Variants in DCC observed in about 807,000 individuals in gnomAD.
DCC encodes DCC netrin 1 receptor, also known as netrin receptor DCC.
Under a neutral mutation model 172.5 loss-of-function variants are expected in DCC, and 58 were observed. The observed-to-expected ratio is 0.34, with a 90% CI of 0.27 to 0.42. DCC has a LOEUF of 0.42. Ranked by LOEUF, DCC falls within the 10% of genes least tolerant of loss-of-function variation. The pLI, the probability that DCC is intolerant of heterozygous loss-of-function variation, is 1.00. For missense variants in DCC, 1,740 were observed against 1,791.0 expected, an observed-to-expected ratio of 0.97 and a Z score of 0.51; for synonymous variants, 709 against 644.5, an observed-to-expected ratio of 1.10 and a Z score of -1.52.
At chr18:53,376,851 T>C (rs919982944) in intron 15 of DCC, among the ~76,000 whole-genome samples, 1 of 152,228 alleles carries the variant, frequency 6.6e-6, no homozygotes, top group Non-Finnish European at 1.5e-5. Flanking sequence ...AGAGTCACTC[T>C]TGATTTTTCC....
At chr18:53,091,354 T>C (rs2043006085) in intron 7 of DCC, among the ~76,000 whole-genome samples, 1 of 147,816 alleles carries the variant, frequency 6.8e-6, no homozygotes, top group Non-Finnish European at 1.5e-5. Context: ...TATATGAAAA[T>C]ATATATACTA....
At chr18:53,458,381 C>T (rs904768618) in intron 23 of DCC, among the ~76,000 whole-genome samples, 1 of 152,096 alleles carries the variant, frequency 6.6e-6, no homozygotes, top group Non-Finnish European at 1.5e-5. Context: ...GGCCATGTTC[C>T]AATAAAACTT....
chr18:52,614,322 A>G (rs974078808), intron 1 of DCC, among the ~76,000 whole-genome samples: 2 of 152,192 alleles, frequency 1.3e-5, no homozygotes, highest in African/African-American at 4.8e-5. Flanking sequence ...AACTCTGGCT[A>G]CTTCTTCCAA....
intron 7 of DCC, among the ~76,000 whole-genome samples, chr18:53,069,217 G>C (rs2042618831): frequency 6.6e-6 from 1 of 152,146 alleles, no homozygotes; most frequent in African/African-American, 2.4e-5. Flanking sequence ...CAGAAGAGGG[G>C]TTAATCAGAA....
intron 4 of DCC, among the ~76,000 whole-genome samples, chr18:52,924,677 AT>A (rs1568189998): frequency 6.6e-6 from 1 of 152,180 alleles, no homozygotes; most frequent in East Asian, 1.9e-4. Flanking sequence ...TCATAAATTA[AT>A]CTTTAAATTT....
At chr18:52,432,158 C>G (rs1175703824) in intron 1 of DCC, among the ~76,000 whole-genome samples, 1 of 152,072 alleles carries the variant, frequency 6.6e-6, no homozygotes, top group Non-Finnish European at 1.5e-5. Flanking sequence ...ATCACTAGCT[C>G]CCTGGGTTTC....
intron 5 of DCC, among the ~76,000 whole-genome samples, chr18:52,940,300 C>T (rs2040441079): frequency 6.6e-6 from 1 of 152,058 alleles, no homozygotes; most frequent in Non-Finnish European, 1.5e-5. Flanking sequence ...TAAGGAAGAA[C>T]AGTCGAGGCA....
intron 7 of DCC, among the ~76,000 whole-genome samples, chr18:53,103,696 A>G (rs571884465): frequency 6.6e-6 from 1 of 152,230 alleles, no homozygotes; most frequent in East Asian, 1.9e-4. Context: ...TTTTAGGATT[A>G]TTGTTCCTCT....
intron 5 of DCC, among the ~76,000 whole-genome samples, chr18:52,948,465 G>A (rs757890821): frequency 6.6e-5 from 10 of 151,970 alleles, no homozygotes; most frequent in Non-Finnish European, 1.2e-4. Context: ...GCTATATACC[G>A]GATACTGTGC....
intron 6 of DCC, 91 bp from the exon 7 acceptor site, chr18:53,065,954 GT>G: frequency 9.4e-6 from 14 of 1,493,036 alleles, no homozygotes; most frequent in Non-Finnish European, 1.3e-5. Context: ...CTTCTGTGCT[GT>G]TTTATCAAAC....
At chr18:53,162,172 A>G (rs1256462632) in intron 8 of DCC, among the ~76,000 whole-genome samples, 1 of 151,738 alleles carries the variant, frequency 6.6e-6, no homozygotes, top group African/African-American at 2.4e-5. Flanking sequence ...GGTGGCACGC[A>G]CCTGTAATCC....
intron 2 of DCC, among the ~76,000 whole-genome samples, chr18:52,759,963 G>A (rs1433081714): frequency 1.3e-5 from 2 of 152,176 alleles, no homozygotes; most frequent in Non-Finnish European, 2.9e-5. Flanking sequence ...AGAGAGCATA[G>A]ACAAATGGAA....
At chr18:53,022,710 A>G (rs1216171787) in intron 5 of DCC, among the ~76,000 whole-genome samples, 1 of 152,084 alleles carries the variant, frequency 6.6e-6, no homozygotes, top group Non-Finnish European at 1.5e-5. Flanking sequence ...TGGTAGAACT[A>G]CTAACCCTAT....
intron 1 of DCC, among the ~76,000 whole-genome samples, chr18:52,347,110 T>C (rs566747834): frequency 1.2e-4 from 19 of 152,302 alleles, no homozygotes; most frequent in African/African-American, 3.6e-4. Flanking sequence ...CTTTAGGATG[T>C]TATCTGATGA....
chr18:52,791,365 G>T (rs934877574), intron 2 of DCC, among the ~76,000 whole-genome samples: 7 of 152,142 alleles, frequency 4.6e-5, no homozygotes, highest in Admixed American at 4.6e-4. Flanking sequence ...TACCCATCTA[G>T]AAAGAGAAGT....
chr18:52,881,446 T>A (rs2039484860), intron 2 of DCC, among the ~76,000 whole-genome samples: 1 of 152,158 alleles, frequency 6.6e-6, no homozygotes, highest in Non-Finnish European at 1.5e-5. Flanking sequence ...TCTAGAGAGT[T>A]CCCCAAAAGT....
At position 52,646,966 on chromosome 18, in the gene DCC, A is replaced by T. The variant is rs193299216; in HGVS notation, c.92-105088A>T. ...ACTCCAAGACACTTCGATAGCATGA[A>T]ATCAGGTGTGATGGAAAGGGGCTTA... On this transcript the variant is annotated intron_variant, in intron 1 of 28. Transcript: ENST00000442544. Among the ~76,000 whole-genome samples the T allele has an allele frequency of 4.6e-5, 7 of 152,318 alleles. No homozygotes were observed. The East Asian group carries it at 1.2e-3, about 25-fold the overall frequency.
At chr18:52,601,442 C>T (rs1482461696) in intron 1 of DCC, among the ~76,000 whole-genome samples, 1 of 152,016 alleles carries the variant, frequency 6.6e-6, no homozygotes, top group Non-Finnish European at 1.5e-5. Context: ...CTCCCTTGGT[C>T]AGGCTGTCAA....
intron 27 of DCC, among the ~76,000 whole-genome samples, chr18:53,519,996 C>T (rs1354417859): frequency 1.3e-5 from 2 of 152,218 alleles, no homozygotes; most frequent in African/African-American, 4.8e-5. Flanking sequence ...ACACCAAAGG[C>T]TCTCATGCCT....
Sources: gnomAD v4.1 joint callset for allele counts (sites outside exome capture counted in the v4.1 genomes callset) on GRCh38, gnomAD v4.1.1 for gene constraint, MANE v1.5 for transcripts, NCBI Gene and HGNC (gene_info 2026-07-23, HGNC 2026-07-21) for gene names.